Variants in LILRA4 observed in about 807,000 individuals in gnomAD.
LILRA4 encodes leukocyte immunoglobulin-like receptor subfamily A member 4.
Under a neutral mutation model 49.5 loss-of-function variants are expected in LILRA4, and 51 were observed. That is an observed-to-expected ratio of 1.03 (90% CI 0.82 to 1.30). LILRA4 has a LOEUF of 1.30. Among genes scored for constraint, LILRA4 ranks in the 50% most tolerant of loss-of-function variants. The pLI, the probability that LILRA4 is intolerant of heterozygous loss-of-function variation, is 0.00. For missense variants in LILRA4, 624 were observed against 625.6 expected, an observed-to-expected ratio of 1.00 and a Z score of 0.03; for synonymous variants, 272 against 265.6, an observed-to-expected ratio of 1.02 and a Z score of -0.23.
rs181524361 is a variant in LILRA4, at chr19:54,333,379, G to C, written c.*193C>G. The C allele has an allele frequency of 1.5e-3, 972 of 630,442 alleles. 14 individuals are homozygous for C. The highest frequency in any genetic ancestry group is 0.012 in the South Asian group (600 of 48,210). The allele number at this position is 630,442 out of a possible 1,614,324, so 39.1% of individuals were successfully genotyped here. ...ATAGGGGTGAAGCCTTACATCATAG[G>C]GAAGAAAAACGAAGGAAGGGGCAGT... On this transcript the variant is annotated 3_prime_UTR_variant, in exon 8 of 8. Transcript: ENST00000291759.
At position 54,333,811 on chromosome 19, in the gene LILRA4, A is replaced by T. The variant is rs2122173892; in HGVS notation, c.1307-46T>A. The T allele has an allele frequency of 1.9e-6, 3 of 1,613,054 alleles. No individual in the cohort carries two copies. The East Asian group carries it at 6.7e-5, about 36-fold the overall frequency. On this transcript the variant is annotated intron_variant, in intron 7 of 7. Transcript: ENST00000291759. ...GGTCACAGAGGTCAGGGCAGATCACAATTACCAAAGACCCCTGGATGTCCA... is the reference window on the plus strand; with the variant it reads ...GGTCACAGAGGTCAGGGCAGATCACTATTACCAAAGACCCCTGGATGTCCA...
rs375812942 is a variant in LILRA4 at position 54,337,300 on chromosome 19, A to G, written c.952+100T>C. Reference sequence around the variant, plus strand: ...GTCTCTGTCTGTCTCTCCCTCCCTTAGGACCCCCACCCCTCATCCCGGCCA... The same window carrying G: ...GTCTCTGTCTGTCTCTCCCTCCCTTGGGACCCCCACCCCTCATCCCGGCCA... On this transcript the variant is annotated intron_variant, in intron 5 of 7. Coordinates refer to ENST00000291759, the MANE Select transcript of LILRA4 (RefSeq NM_012276.5). 4.3e-4 allele frequency: 650 copies of G among 1,502,610 alleles called. 1 individual carries two copies. The highest frequency in any genetic ancestry group is 1.5e-3 in the Admixed American group (74 of 48,114). 93.1% of individuals were successfully genotyped at this position (1,502,610 alleles called of 1,614,324 possible).
At chr19:54,334,978 A>AAAAAT (rs1403054068) in intron 6 of LILRA4, 1 of 151,856 alleles carries the variant, frequency 6.6e-6, no homozygotes, top group African/African-American at 2.4e-5. Context: ...CCGTCTCAAA[A>AAAAAT]AAAATAAAAT....
intron 3 of LILRA4, 33 bp downstream of exon 3, chr19:54,338,363 G>T: frequency 6.2e-7 from 1 of 1,612,658 alleles, no homozygotes; most frequent in Non-Finnish European, 8.5e-7. Flanking sequence ...CGAGGGCAGA[G>T]CCTGGGGCTG....
Position 54,338,869 on chromosome 19 carries a change from C to T in LILRA4, c.67G>A (p.Ala23Thr). 7 of 1,614,104 alleles carry T rather than the reference C, an allele frequency of 4.3e-6. No homozygotes were observed. The highest frequency in any genetic ancestry group is 1.7e-4 in the Middle Eastern group (1 of 6,048). Residue 23 changes from alanine to threonine, a missense_variant, in exon 2 of 8, where the codon GCA (alanine) becomes ACA (threonine). Ala to Thr is a moderately conservative substitution (Grantham distance 58). Coordinates refer to ENST00000291759, the MANE Select transcript of LILRA4 (RefSeq NM_012276.5). Reference protein sequence around the residue: ...LSLGPRTRVQAENLLKPILWA... With the variant: ...LSLGPRTRVQTENLLKPILWA... Reference sequence around the variant, plus strand: ...GGACAGCTGGGGACAGACTCACCTGCCTGCACCCGGGTCCTGGGGCCCAGG... The same window carrying T: ...GGACAGCTGGGGACAGACTCACCTGTCTGCACCCGGGTCCTGGGGCCCAGG...
chr19:54,333,988 G>A, intron 6 of LILRA4, 23 bp from the exon 7 acceptor site: 3 of 1,607,940 alleles, frequency 1.9e-6, no homozygotes, highest in Non-Finnish European at 1.7e-6. Flanking sequence ...GAATAAGGAT[G>A]TTGGTGAGAA....
At position 54,337,711 on chromosome 19, in the gene LILRA4, G is replaced by C. The variant is rs1454839544; in HGVS notation, c.656-15C>G. ...CCTAGACACGCCTGGAGGGAAAGAT[G>C]AGTTGGGACTCGGAGCGGCTGGTTC... On this transcript the variant is annotated splice_polypyrimidine_tract_variant and intron_variant, in intron 4 of 7. Transcript: ENST00000291759. The C allele has an allele frequency of 6.2e-7, 1 of 1,609,732 alleles. No individual in the cohort carries two copies. Among genetic ancestry groups the C allele is most frequent in the Non-Finnish European group, 8.5e-7 (1 of 1,178,642 alleles).
At chr19:54,334,112 T>G (rs1027490280) in intron 6 of LILRA4, 147 bp from the exon 7 acceptor site, 1 of 650,364 alleles carries the variant, frequency 1.5e-6, no homozygotes, top group Non-Finnish European at 2.7e-6. Context: ...CCTCCCCTGG[T>G]ACGTCATTGG....
intron 6 of LILRA4, chr19:54,335,401 G>C (rs567521062): frequency 6.5e-6 from 1 of 153,120 alleles, no homozygotes. Flanking sequence ...TAAGTTTCCC[G>C]AGGCCTCCCC....
Position 54,337,505 on chromosome 19 carries a change from T to C in LILRA4, c.847A>G (p.Ser283Gly), listed in dbSNP as rs769780480. The change falls in exon 5 of 8, where the codon AGC becomes GGC. Residue 283 changes from serine (S) to glycine (G), a missense_variant. Transcript: ENST00000291759. ...CCCCCGTAGGAGCGGCTCACAGGGC[T>C]CAGGGTGAAGTTGGCCTGGGAGAGC... is the stretch of plus-strand genomic sequence containing the variant. Reference protein sequence around the residue: ...AGLSQANFTLSPVSRSYGGQY... With the variant: ...AGLSQANFTLGPVSRSYGGQY... 2.4e-4 allele frequency: 387 copies of C among 1,605,568 alleles called. No homozygotes were observed. The highest frequency in any genetic ancestry group is 5.8e-4 in the Middle Eastern group (3 of 5,156).
chr19:54,338,468 G>A lies in LILRA4; in HGVS notation c.283C>T (p.Arg95Ter), dbSNP rs200638920. 2.4e-5 allele frequency: 38 copies of A among 1,614,158 alleles called. No homozygotes were observed. In the Admixed American group the frequency reaches 2.5e-4, roughly 11 times the overall value. The change falls in exon 3 of 8, where the codon CGA becomes TGA. Residue 95 changes from arginine to a stop codon, truncating the protein, a stop_gained. Transcript: ENST00000291759. LOFTEE classifies it high-confidence loss of function. Reference protein sequence around the residue: ...IPSMMWEHAGRYHCYYQSPAG... With the variant: ...IPSMMWEHAG Reference sequence around the variant, plus strand: ...GGGCTCTGATAGTAACAGTGATATCGCCCTGCATGTTCCCACATCATGGAT... The same window carrying A: ...GGGCTCTGATAGTAACAGTGATATCACCCTGCATGTTCCCACATCATGGAT...
rs1445939388 is a variant in LILRA4 at position 54,336,860 on chromosome 19, G to T, written c.1236C>A (p.Pro412=). 2 of 1,614,104 alleles carry T rather than the reference G, an allele frequency of 1.2e-6. No homozygotes were observed. The highest frequency in any genetic ancestry group is 1.3e-5 in the African/African-American group (1 of 74,948). Residue 412 remains proline (P), a synonymous_variant, in exon 6 of 8, where the codon CCC becomes CCA. Coordinates refer to ENST00000291759, the MANE Select transcript of LILRA4 (RefSeq NM_012276.5). ...NPYLLSHPSE[P]LELVVSGATE... Reference sequence around the variant, plus strand: ...CCTCACCTGAGACCACGAGCTCCAGGGGCTCACTGGGGTGAGACAGCAGGT... The same window carrying T: ...CCTCACCTGAGACCACGAGCTCCAGTGGCTCACTGGGGTGAGACAGCAGGT...
In LILRA4 at chr19:54,338,595, G is replaced by A; in HGVS notation, c.156C>T (p.Thr52=). The A allele has an allele frequency of 1.9e-6, 3 of 1,614,136 alleles. No homozygotes were observed. Among genetic ancestry groups the A allele is most frequent in the Middle Eastern group, 1.6e-4 (1 of 6,062 alleles). Residue 52 remains threonine, a synonymous_variant, in exon 3 of 8, where the codon ACC becomes ACT. Transcript: ENST00000291759. ...HNPVTIWCQG[T]LEAQGYRLDK... Reference sequence around the variant, plus strand: ...CCAGACGGTACCCCTGGGCCTCCAGGGTGCCCTGACACCAGATGGTCACGG... The same window carrying A: ...CCAGACGGTACCCCTGGGCCTCCAGAGTGCCCTGACACCAGATGGTCACGG...
Position 54,337,667 on chromosome 19 carries a change from G to A in LILRA4, c.685C>T (p.Leu229=). ...CCGGGGGTCACGACAGGGCCCTGCAGGGTCAGGAGGGAGGGCTTCCTAGAC... is the reference window on the plus strand; with the variant it reads ...CCGGGGGTCACGACAGGGCCCTGCAAGGTCAGGAGGGAGGGCTTCCTAGAC... ...GVSRKPSLLT[L]QGPVVTPGEN... is the part of the protein sequence containing the mutation. Residue 229 remains leucine (L), a synonymous_variant, in exon 5 of 8, where the codon CTG becomes TTG. Coordinates refer to ENST00000291759, the MANE Select transcript of LILRA4 (RefSeq NM_012276.5). 1 of 1,613,166 alleles carries A rather than the reference G, an allele frequency of 6.2e-7. No individual in the cohort carries two copies. The highest frequency in any genetic ancestry group is 8.5e-7 in the Non-Finnish European group (1 of 1,179,728).
intron 4 of LILRA4, 37 bp from the exon 5 acceptor site, chr19:54,337,733 G>A (rs988165252): frequency 6.3e-7 from 1 of 1,593,494 alleles, no homozygotes; most frequent in Admixed American, 1.8e-5. Flanking sequence ...GGAGCGGCTG[G>A]TTCCTCCTGC....
At position 54,338,704 on chromosome 19, in the gene LILRA4, T is replaced by C. The variant is rs2081359620; in HGVS notation, c.71-24A>G. ...TTCTGGAAGGAAATTACAGGTTAGGTCCCAAGATGTCCTCAACCCTCAGAT... is the reference window on the plus strand; with the variant it reads ...TTCTGGAAGGAAATTACAGGTTAGGCCCCAAGATGTCCTCAACCCTCAGAT... On this transcript the variant is annotated intron_variant, in intron 2 of 7. Transcript: ENST00000291759. 2.5e-6 allele frequency: 4 copies of C among 1,596,354 alleles called. No individual in the cohort carries two copies. The East Asian group carries it at 8.9e-5, about 36-fold the overall frequency.
At chr19:54,338,342 G>A (rs774701886) in intron 3 of LILRA4, 54 bp downstream of exon 3, 22 of 1,607,540 alleles carry the variant, frequency 1.4e-5, no homozygotes, top group East Asian at 4.5e-5. Context: ...GCTGAGAGCC[G>A]ACCCCCTTCC....
chr19:54,337,978 C>A lies in LILRA4; in HGVS notation c.613G>T (p.Val205Leu). Residue 205 changes from valine (V) to leucine (L), a missense_variant, in exon 4 of 8, where the codon GTG becomes TTG. Coordinates refer to ENST00000291759, the MANE Select transcript of LILRA4 (RefSeq NM_012276.5). Reference protein sequence around the residue: ...CYGYENNTPYVWSEPSDPLQL... With the variant: ...CYGYENNTPYLWSEPSDPLQL... ...AGGGGGTCACTGGGTTCCGACCACA[C>A]GTATGGGGTGTTGTTTTCATAGCCG... 6.2e-7 allele frequency: 1 copy of A among 1,613,784 alleles called. No homozygotes were observed. Among genetic ancestry groups the A allele is most frequent in the African/African-American group, 1.3e-5 (1 of 75,010 alleles).
At position 54,338,689 on chromosome 19, in the gene LILRA4, A is replaced by C; in HGVS notation, c.71-9T>G. On this transcript the variant is annotated splice_polypyrimidine_tract_variant and intron_variant, in intron 2 of 7. Transcript: ENST00000291759. ...GGGTTTGAGTAGGTTTTCTGGAAGG[A>C]AATTACAGGTTAGGTCCCAAGATGT... 1 of 1,603,860 alleles carries C rather than the reference A, an allele frequency of 6.2e-7. No homozygotes were observed. The highest frequency in any genetic ancestry group is 8.5e-7 in the Non-Finnish European group (1 of 1,174,654).
Sources: gnomAD v4.1 joint callset for allele counts on GRCh38, gnomAD v4.1.1 for gene constraint, MANE v1.5 for transcripts, NCBI Gene and HGNC (gene_info 2026-07-23, HGNC 2026-07-21) for gene names.